Variants in CTNNA2 observed in about 807,000 individuals in gnomAD.
CTNNA2 encodes catenin alpha 2.
CTNNA2 carries 42 observed loss-of-function variants against 101.0 expected under a neutral mutation model. The observed-to-expected ratio is 0.42, with a 90% CI of 0.32 to 0.54. The LOEUF (loss-of-function observed/expected upper bound fraction) is 0.54, where lower values mean the gene tolerates loss of function less well. CTNNA2 is among the 20% of genes least tolerant of loss of function. The pLI is 0.14. For missense variants in CTNNA2, 871 were observed against 1,223.1 expected, an observed-to-expected ratio of 0.71 and a Z score of 4.29; for synonymous variants, 450 against 456.4, an observed-to-expected ratio of 0.99 and a Z score of 0.18.
chr2:79,290,863 T>C (rs549353254), intron 2 of CTNNA2, among the ~76,000 whole-genome samples: 31 of 152,210 alleles, frequency 2.0e-4, no homozygotes, highest in Non-Finnish European at 3.5e-4. Flanking sequence ...AACCTCAGGA[T>C]ACAGAAAGCC....
Position 80,303,764 on chromosome 2 carries a change from C to G in CTNNA2, c.1057-89447C>G, listed in dbSNP as rs764829434. 6.4e-7 allele frequency: 1 copy of G among 1,571,502 alleles called. No homozygotes were observed. Among genetic ancestry groups the G allele is most frequent in the Non-Finnish European group, 8.6e-7 (1 of 1,160,024 alleles). On this transcript the variant is annotated intron_variant, in intron 7 of 18. Coordinates refer to ENST00000402739, the MANE Select transcript of CTNNA2 (RefSeq NM_001282597.3). The surrounding 1 kb of genome is among the most constrained non-coding windows in gnomAD (Gnocchi z 7.7). ...GGCCCCCAGCAGACACAAGACCACC[C>G]CCGAGGGCCTCCTCAGCAGCCAGTA...
intron 7 of CTNNA2, among the ~76,000 whole-genome samples, chr2:80,046,292 GA>G (rs1428208267): frequency 1.3e-5 from 2 of 152,148 alleles, no homozygotes; most frequent in African/African-American, 4.8e-5. Context: ...ACCAGCCCAA[GA>G]GAGGTTAAAT....
intron 7 of CTNNA2, among the ~76,000 whole-genome samples, chr2:80,139,328 G>T (rs1234675990): frequency 6.6e-6 from 1 of 152,068 alleles, no homozygotes; most frequent in Non-Finnish European, 1.5e-5. Flanking sequence ...ACCATGGATT[G>T]GTATTTGCTT....
intron 1 of CTNNA2, among the ~76,000 whole-genome samples, chr2:79,606,996 G>C (rs1278959934): frequency 1.3e-5 from 2 of 152,118 alleles, no homozygotes; most frequent in African/African-American, 4.8e-5. Flanking sequence ...AAAGAGCAGA[G>C]AGTATCAGAT....
intron 15 of CTNNA2, among the ~76,000 whole-genome samples, chr2:80,598,578 C>T (rs2064726330): frequency 6.6e-6 from 1 of 152,142 alleles, no homozygotes; most frequent in South Asian, 2.1e-4. Context: ...AACCCTATAC[C>T]ATAAACAATT....
intron 7 of CTNNA2, among the ~76,000 whole-genome samples, chr2:79,930,171 A>C (rs1184845312): frequency 6.6e-6 from 1 of 151,756 alleles, no homozygotes; most frequent in African/African-American, 2.4e-5. Context: ...TGGGAGGCAG[A>C]GGTGGAGGTT....
Position 80,303,776 on chromosome 2 carries a change from C to T in CTNNA2, c.1057-89435C>T, listed in dbSNP as rs757183643. 6.4e-7 allele frequency: 1 copy of T among 1,562,878 alleles called. No homozygotes were observed. The highest frequency in any genetic ancestry group is 8.7e-7 in the Non-Finnish European group (1 of 1,155,844). ...ACACAAGACCACCCCCGAGGGCCTC[C>T]TCAGCAGCCAGTATAGACAGAGACC... On this transcript the variant is annotated intron_variant, in intron 7 of 18. Transcript: ENST00000402739. This position sits in a 1 kb window ranked among gnomAD's most constrained non-coding sequence, Gnocchi z 7.7.
chr2:80,095,818 T>C (rs1384947998), intron 7 of CTNNA2, among the ~76,000 whole-genome samples: 4 of 152,054 alleles, frequency 2.6e-5, no homozygotes, highest in East Asian at 1.9e-4. Context: ...TCTCTGATGG[T>C]AGTTTGTATT....
chr2:80,429,636 G>A (rs1322213269), intron 9 of CTNNA2, among the ~76,000 whole-genome samples: 1 of 152,180 alleles, frequency 6.6e-6, no homozygotes, highest in African/African-American at 2.4e-5. Flanking sequence ...ACATTTTAGA[G>A]AACAGCTTTA....
At chr2:79,365,708 T>G (rs1294240409) in intron 3 of CTNNA2, among the ~76,000 whole-genome samples, 1 of 152,084 alleles carries the variant, frequency 6.6e-6, no homozygotes, top group Non-Finnish European at 1.5e-5. Flanking sequence ...TGTTTTTTGT[T>G]TTTTTGTTTT....
intron 7 of CTNNA2, among the ~76,000 whole-genome samples, chr2:80,370,399 T>C (rs1675335543): frequency 6.6e-6 from 1 of 152,088 alleles, no homozygotes; most frequent in Admixed American, 6.6e-5. Context: ...TTTATTCATA[T>C]AAATATTGTT....
At chr2:79,985,245 G>A (rs1304516385) in intron 7 of CTNNA2, among the ~76,000 whole-genome samples, 1 of 152,136 alleles carries the variant, frequency 6.6e-6, no homozygotes, top group Non-Finnish European at 1.5e-5. Flanking sequence ...CACACTCCAT[G>A]CCTTTACACT....
intron 7 of CTNNA2, among the ~76,000 whole-genome samples, chr2:80,187,845 T>C (rs532705153): frequency 7.4e-4 from 112 of 152,246 alleles, no homozygotes; most frequent in African/African-American, 2.5e-3. Flanking sequence ...CTTTTTTCTA[T>C]CCCTCATTTC....
chr2:80,575,280 AAC>A (rs1164878570), intron 13 of CTNNA2: 1 of 152,196 alleles, frequency 6.6e-6, no homozygotes, highest in Non-Finnish European at 1.5e-5. Flanking sequence ...TATTCTAGTA[AAC>A]ACACTACAAA....
intron 18 of CTNNA2, among the ~76,000 whole-genome samples, chr2:80,645,672 T>C (rs1038047200): frequency 1.3e-5 from 2 of 152,138 alleles, no homozygotes; most frequent in Non-Finnish European, 2.9e-5. Context: ...GCTTTGAGAA[T>C]CACCCCACTA....
chr2:80,460,022 C>A (rs889504183), intron 9 of CTNNA2, among the ~76,000 whole-genome samples: 1 of 152,152 alleles, frequency 6.6e-6, no homozygotes, highest in African/African-American at 2.4e-5. Context: ...AATCCCCTGA[C>A]TTCTCAGATA....
intron 2 of CTNNA2, among the ~76,000 whole-genome samples, chr2:79,228,671 T>C (rs1182765283): frequency 1.3e-5 from 2 of 152,224 alleles, no homozygotes; most frequent in Admixed American, 1.3e-4. Flanking sequence ...ATGCATAGTT[T>C]GCAAATATTT....
chr2:79,556,787 A>T (rs1674474532), intron 1 of CTNNA2, among the ~76,000 whole-genome samples: 1 of 152,000 alleles, frequency 6.6e-6, no homozygotes. Flanking sequence ...CAGTTTTTAA[A>T]TTTGGAGCTG....
intron 7 of CTNNA2, among the ~76,000 whole-genome samples, chr2:79,922,749 T>C (rs778678009): frequency 5.9e-5 from 9 of 151,914 alleles, no homozygotes; most frequent in Non-Finnish European, 1.3e-4. Flanking sequence ...ATGAGTAGCA[T>C]GCTATCTTCA....
Sources: allele counts gnomAD v4.1 joint callset (sites outside exome capture counted in the v4.1 genomes callset), GRCh38; gene constraint gnomAD v4.1.1; non-coding constraint Gnocchi (gnomAD v3.1); transcripts MANE v1.5; gene names NCBI Gene and HGNC (gene_info 2026-07-23, HGNC 2026-07-21).